The following PDE1C variants were observed in gnomAD, a reference collection of about 807,000 sequenced individuals.
The protein encoded by PDE1C is dual specificity calcium/calmodulin-dependent 3',5'-cyclic nucleotide phosphodiesterase 1C.
Under a neutral mutation model 93.1 loss-of-function variants are expected in PDE1C, and 62 were observed. The ratio of observed to expected loss-of-function variants is 0.67; its 90% CI spans 0.54 to 0.82. The LOEUF (loss-of-function observed/expected upper bound fraction) is 0.82, where lower values mean the gene tolerates loss of function less well. Ranked by LOEUF, PDE1C falls within the 40% of genes least tolerant of loss-of-function variation. The pLI, the probability that PDE1C is intolerant of heterozygous loss-of-function variation, is 0.00. For missense variants in PDE1C, 742 were observed against 884.6 expected (o/e 0.84, Z 2.04); for synonymous variants, 325 against 310.1 (o/e 1.05, Z -0.50).
intron 1 of PDE1C, among the ~76,000 whole-genome samples, chr7:32,394,613 G>A (rs1444599961): frequency 6.6e-6 from 1 of 152,188 alleles, no homozygotes; most frequent in Non-Finnish European, 1.5e-5. Flanking sequence ...TTCAAGACCA[G>A]CCTGGACAAC....
the PDE1C span, among the ~76,000 whole-genome samples, chr7:31,725,748 C>T: frequency 6.6e-6 from 1 of 152,160 alleles, no homozygotes; most frequent in Admixed American, 6.5e-5. Flanking sequence ...TTACTTCTTA[C>T]AGCTGCTTAT....
chr7:31,895,252 T>C (rs964203522), intron 2 of PDE1C, among the ~76,000 whole-genome samples: 3 of 152,050 alleles, frequency 2.0e-5, no homozygotes, highest in African/African-American at 4.8e-5. Context: ...AGGGATCAAA[T>C]AGGTGCTACA....
the PDE1C span, among the ~76,000 whole-genome samples, chr7:31,743,073 T>TG: frequency 3.9e-5 from 6 of 152,234 alleles, no homozygotes; most frequent in Non-Finnish European, 8.8e-5. Context: ...CTATAGTTTT[T>TG]TTGTTGTTGT....
intron 2 of PDE1C, among the ~76,000 whole-genome samples, chr7:32,179,734 G>A (rs1316425021): frequency 6.6e-6 from 1 of 152,176 alleles, no homozygotes; most frequent in Non-Finnish European, 1.5e-5. Flanking sequence ...GTGGCAGCTT[G>A]ATAAACTGCT....
the PDE1C span, among the ~76,000 whole-genome samples, chr7:31,669,901 T>G: frequency 1.2e-4 from 18 of 152,306 alleles, 1 homozygote; most frequent in East Asian, 3.3e-3. Flanking sequence ...CCCTACCCTT[T>G]GAGTTTGTCA....
the PDE1C span, among the ~76,000 whole-genome samples, chr7:31,661,223 G>A: frequency 1.3e-5 from 2 of 152,038 alleles, no homozygotes; most frequent in Non-Finnish European, 2.9e-5. Flanking sequence ...ATAAGCCACT[G>A]TAGTTTATAT....
intron 3 of PDE1C, among the ~76,000 whole-genome samples, chr7:32,107,391 A>C (rs948658372): frequency 2.0e-5 from 3 of 152,080 alleles, no homozygotes; most frequent in Admixed American, 6.6e-5. Context: ...AAGGAATTTA[A>C]AGTAATAATG....
At chr7:31,635,880 A>G in the PDE1C span, among the ~76,000 whole-genome samples, 1 of 152,132 alleles carries the variant, frequency 6.6e-6, no homozygotes, top group African/African-American at 2.4e-5. Context: ...CCATGGCACA[A>G]GTTTACCTAT....
chr7:31,754,138 T>C (rs1178872564), intron 17 of PDE1C, among the ~76,000 whole-genome samples: 1 of 152,172 alleles, frequency 6.6e-6, no homozygotes, highest in Non-Finnish European at 1.5e-5. Flanking sequence ...CAAATAAGCA[T>C]AGGAAAAAAT....
Position 31,850,739 on chromosome 7 carries a change from G to T in PDE1C, c.753C>A (p.Asn251Lys). The T allele has an allele frequency of 6.2e-7, 1 of 1,606,146 alleles. No individual in the cohort carries two copies. Among genetic ancestry groups the T allele is most frequent in the Non-Finnish European group, 8.5e-7 (1 of 1,172,906 alleles). ...HYLLYKTGVANWLTELEIFAI... is the reference protein window; with the variant it reads ...HYLLYKTGVAKWLTELEIFAI... ...CAAAGATCTCCAGCTCCGTCAGCCA[G>T]TTCTGAAAGGAGATTACAGAGCAAT... Residue 251 changes from asparagine to lysine, a missense_variant and splice_region_variant, in exon 8 of 18, where the codon AAC (asparagine) becomes AAA (lysine). This residue lies in a region of PDE1C where 205 missense variants were observed against 295.3 expected (regional missense o/e 0.69). Coordinates refer to ENST00000396191, the MANE Select transcript of PDE1C (RefSeq NM_001191057.4).
the PDE1C span, chr7:31,652,984 A>C: frequency 2.8e-6 from 4 of 1,442,126 alleles, no homozygotes; most frequent in Non-Finnish European, 3.6e-6. Context: ...AGAGGAGTTT[A>C]GAATACTCTA....
At chr7:32,371,522 C>G (rs140873177) in intron 1 of PDE1C, among the ~76,000 whole-genome samples, 1 of 152,158 alleles carries the variant, frequency 6.6e-6, no homozygotes, top group Non-Finnish European at 1.5e-5. Context: ...CCTTACTCAG[C>G]GAGCATTTAC....
At chr7:31,808,281 G>A (rs752439991) in intron 16 of PDE1C, 35 of 384,816 alleles carry the variant, frequency 9.1e-5, no homozygotes, top group African/African-American at 8.9e-5. Flanking sequence ...AAACCACTCC[G>A]TGGAAACTTT....
chr7:32,070,834 A>C, upstream of PDE1C: 1 of 987,032 alleles, frequency 1.0e-6, no homozygotes, highest in Non-Finnish European at 1.2e-6. Context: ...AAGGGAGAGA[A>C]AAGCGGCGGC....
the PDE1C span, among the ~76,000 whole-genome samples, chr7:31,679,955 G>A: frequency 0.23 from 34,504 of 152,148 alleles, 4,264 homozygotes; most frequent in Non-Finnish European, 0.29. Context: ...AGCGAGGGAA[G>A]AGGGCAATGA....
chr7:31,904,369 A>AAT (rs1554403845), intron 2 of PDE1C, among the ~76,000 whole-genome samples: 6 of 152,066 alleles, frequency 3.9e-5, no homozygotes, highest in Non-Finnish European at 7.4e-5. Context: ...ATAAAAAAAA[A>AAT]ATCTATATAC....
At chr7:31,676,380 A>G in the PDE1C span, among the ~76,000 whole-genome samples, 1 of 152,216 alleles carries the variant, frequency 6.6e-6, no homozygotes, top group South Asian at 2.1e-4. Flanking sequence ...CTCTGACCCC[A>G]GTGAAATAAA....
At chr7:31,857,534 G>A (rs1794172644) in intron 7 of PDE1C, among the ~76,000 whole-genome samples, 1 of 152,124 alleles carries the variant, frequency 6.6e-6, no homozygotes. Context: ...CATTTTACAA[G>A]CATAAGGACA....
At chr7:32,396,994 G>A (rs1396646465) in intron 1 of PDE1C, among the ~76,000 whole-genome samples, 2 of 152,130 alleles carry the variant, frequency 1.3e-5, no homozygotes, top group Non-Finnish European at 2.9e-5. Context: ...AAAAGGATCA[G>A]AGACCTAAAA....
Sources: allele counts gnomAD v4.1 joint callset (sites outside exome capture counted in the v4.1 genomes callset), GRCh38; gene constraint gnomAD v4.1.1; regional missense constraint gnomAD v4.1.1; transcripts MANE v1.5; gene names NCBI Gene and HGNC (gene_info 2026-07-23, HGNC 2026-07-21).